The following ATP8A2 variants were observed in gnomAD, a reference collection of about 807,000 sequenced individuals.
ATP8A2 encodes the protein ATPase phospholipid transporting 8A2, also known as phospholipid-transporting ATPase IB.
ATP8A2 carries 100 observed loss-of-function variants against 165.6 expected under a neutral mutation model. That is an observed-to-expected ratio of 0.60 (90% CI 0.51 to 0.71). The LOEUF (loss-of-function observed/expected upper bound fraction) is 0.71, where lower values mean the gene tolerates loss of function less well. Among genes scored for constraint, ATP8A2 ranks in the 30% least tolerant of loss-of-function variants. The pLI, the probability that ATP8A2 is intolerant of heterozygous loss-of-function variation, is 0.00. For missense variants in ATP8A2, 1,227 were observed against 1,479.5 expected (o/e 0.83, Z 2.80); for synonymous variants, 543 against 548.8 (o/e 0.99, Z 0.15).
chr13:25,888,078 C>A (rs905377227), intron 33 of ATP8A2, among the ~76,000 whole-genome samples: 2 of 134,058 alleles, frequency 1.5e-5, no homozygotes, highest in African/African-American at 5.4e-5. Flanking sequence ...ACCCCCCCCC[C>A]GCCCCACCCC....
rs1054035890 is a variant in ATP8A2, at chr13:25,908,444, A to G, written c.3183+46036A>G. Among the ~76,000 whole-genome samples, 28 of 152,258 alleles carry G rather than the reference A, an allele frequency of 1.8e-4. 1 individual carries two copies. Among genetic ancestry groups the G allele is most frequent in the African/African-American group, 6.8e-4 (28 of 41,474 alleles). On this transcript the variant is annotated intron_variant, in intron 33 of 36. Coordinates refer to ENST00000381655, the MANE Select transcript of ATP8A2 (RefSeq NM_016529.6). ...TCATCTTTGCAACGTCTTGTCTTAC[A>G]AGAAAGTAATGAAGCCGAGATTGTT... is the stretch of plus-strand genomic sequence containing the variant.
chr13:25,515,447 C>T (rs2037436785), intron 2 of ATP8A2, among the ~76,000 whole-genome samples: 1 of 152,268 alleles, frequency 6.6e-6, no homozygotes, highest in Non-Finnish European at 1.5e-5. Context: ...TCCTGCCTCG[C>T]AGGCCAGGGC....
chr13:25,374,606 A>C lies in ATP8A2; in HGVS notation c.76+2318A>C, dbSNP rs1467947530. ...GTGAGAAGCAGGGTCCTCCTGGCAG[A>C]GCAGTTAAGGCAAGAAGTTTCAGGA... On this transcript the variant is annotated intron_variant, in intron 1 of 36. Coordinates refer to ENST00000381655, the MANE Select transcript of ATP8A2 (RefSeq NM_016529.6). 2.6e-5 allele frequency among the ~76,000 whole-genome samples: 4 copies of C among 152,166 alleles called. No homozygotes were observed. The East Asian group carries it at 7.7e-4, about 29-fold the overall frequency.
rs1955434144 is a variant in ATP8A2, at chr13:25,953,550, AGG to A, written c.3184-8023_3184-8022del. 2.1e-5 allele frequency among the ~76,000 whole-genome samples: 3 copies of A among 145,610 alleles called. No individual in the cohort carries two copies. Among genetic ancestry groups the A allele is most frequent in the African/African-American group, 5.0e-5 (2 of 39,646 alleles). ...AAAAAAAAAAAAAAAAAAAAAAGCA[AGG>A]GAAATAGGCAAGACGGCCAAATAGG... On this transcript the variant is annotated intron_variant, in intron 33 of 36. Coordinates refer to ENST00000381655, the MANE Select transcript of ATP8A2 (RefSeq NM_016529.6). The surrounding 1 kb of genome is among the most constrained non-coding windows in gnomAD (Gnocchi z 6.7).
intron 13 of ATP8A2, among the ~76,000 whole-genome samples, chr13:25,558,344 G>A (rs2039042713): frequency 6.6e-6 from 1 of 150,970 alleles, no homozygotes; most frequent in African/African-American, 2.5e-5. Context: ...TAGCCCTAAG[G>A]TACGAGTATT....
chr13:25,885,721 A>G (rs966928329), intron 33 of ATP8A2, among the ~76,000 whole-genome samples: 1 of 152,190 alleles, frequency 6.6e-6, no homozygotes, highest in African/African-American at 2.4e-5. Flanking sequence ...AGAAACTGAT[A>G]TGAGGGGAAT....
At chr13:25,878,983 G>A (rs541866434) in intron 33 of ATP8A2, among the ~76,000 whole-genome samples, 10 of 152,096 alleles carry the variant, frequency 6.6e-5, no homozygotes, top group Non-Finnish European at 1.0e-4. Context: ...TTCTACCACC[G>A]GTCTCCTTGC....
chr13:25,386,725 G>T (rs2033059600), intron 1 of ATP8A2, among the ~76,000 whole-genome samples: 2 of 152,084 alleles, frequency 1.3e-5, no homozygotes, highest in South Asian at 4.2e-4. Context: ...GGCCGGGCAC[G>T]GAGGCTCACG....
chr13:25,814,303 T>C (rs1433669864), intron 27 of ATP8A2, among the ~76,000 whole-genome samples: 1 of 152,148 alleles, frequency 6.6e-6, no homozygotes, highest in Non-Finnish European at 1.5e-5. Flanking sequence ...TTTTAGATGT[T>C]ACCTAAATGC....
chr13:25,543,677 G>A (rs1327747606), intron 10 of ATP8A2, among the ~76,000 whole-genome samples: 1 of 152,130 alleles, frequency 6.6e-6, no homozygotes, highest in East Asian at 1.9e-4. Context: ...CTGGACTTAA[G>A]CGGGAATTAG....
chr13:25,946,243 A>G (rs2139126451), intron 33 of ATP8A2, among the ~76,000 whole-genome samples: 1 of 152,232 alleles, frequency 6.6e-6, no homozygotes, highest in African/African-American at 2.4e-5. Flanking sequence ...CCACTCAGTG[A>G]GTTAAGGAGG....
At position 25,675,786 on chromosome 13, in the gene ATP8A2, G is replaced by A. The variant is rs182275412; in HGVS notation, c.2212-23387G>A. On this transcript the variant is annotated intron_variant, in intron 24 of 36. Coordinates refer to ENST00000381655, the MANE Select transcript of ATP8A2 (RefSeq NM_016529.6). Reference sequence around the variant, plus strand: ...GGTTGGACAAGCTCACCTTTGACAGGCAGGCTTGGATGCTGCTGATGGAGT... The same window carrying A: ...GGTTGGACAAGCTCACCTTTGACAGACAGGCTTGGATGCTGCTGATGGAGT... Among the ~76,000 whole-genome samples the A allele has an allele frequency of 2.6e-5, 4 of 152,258 alleles. No homozygotes were observed. In the East Asian group the frequency reaches 5.8e-4, roughly 22 times the overall value.
chr13:25,595,742 G>A (rs764972695), intron 24 of ATP8A2, among the ~76,000 whole-genome samples: 2 of 152,044 alleles, frequency 1.3e-5, no homozygotes, highest in Non-Finnish European at 2.9e-5. Context: ...CCTACTAATC[G>A]TACAGAACCT....
chr13:25,382,957 A>G (rs7994719), intron 1 of ATP8A2, among the ~76,000 whole-genome samples: 4,121 of 150,402 alleles, frequency 0.027, 192 homozygotes, highest in African/African-American at 0.095. Context: ...GGGTTTCATC[A>G]TGTTAGCCAG....
At chr13:25,654,907 C>A (rs1439138884) in intron 24 of ATP8A2, among the ~76,000 whole-genome samples, 1 of 152,190 alleles carries the variant, frequency 6.6e-6, no homozygotes. Context: ...TGGCATTCAA[C>A]TGTTTTCAAC....
intron 35 of ATP8A2, among the ~76,000 whole-genome samples, chr13:25,977,085 G>A (rs900669952): frequency 4.5e-5 from 6 of 133,886 alleles, no homozygotes; most frequent in Admixed American, 2.5e-4. Flanking sequence ...TAGGATTACA[G>A]GCATGAACCA....
chr13:25,427,018 C>G (rs146880295), intron 1 of ATP8A2, among the ~76,000 whole-genome samples: 1 of 152,180 alleles, frequency 6.6e-6, no homozygotes, highest in South Asian at 2.1e-4. Context: ...AAAACACCAG[C>G]GCAAGATGTT....
At chr13:25,993,835 G>A (rs746441697) in intron 35 of ATP8A2, among the ~76,000 whole-genome samples, 3 of 151,526 alleles carry the variant, frequency 2.0e-5, no homozygotes, top group South Asian at 2.1e-4. Context: ...TTACCTTTCC[G>A]TATATACTTT....
chr13:25,634,458 A>T (rs2041321848), intron 24 of ATP8A2, among the ~76,000 whole-genome samples: 1 of 152,218 alleles, frequency 6.6e-6, no homozygotes, highest in Non-Finnish European at 1.5e-5. Flanking sequence ...CAGAAATAAA[A>T]TTCTAACATG....
Sources: allele counts gnomAD v4.1 joint callset (sites outside exome capture counted in the v4.1 genomes callset), GRCh38; gene constraint gnomAD v4.1.1; non-coding constraint Gnocchi (gnomAD v3.1); transcripts MANE v1.5; gene names NCBI Gene and HGNC (gene_info 2026-07-23, HGNC 2026-07-21).